TNFAIP8L1: variants seen among roughly 807,000 people sequenced by gnomAD.
TNFAIP8L1 encodes TNF alpha induced protein 8 like 1, also known as tumor necrosis factor alpha-induced protein 8-like protein 1.
For missense variants in TNFAIP8L1, 225 were observed against 266.1 expected (o/e 0.85, Z 1.08); for synonymous variants, 127 against 125.6 (o/e 1.01, Z -0.08).
chr19:4,644,266 G>A (rs916175614), intron 1 of TNFAIP8L1, among the ~76,000 whole-genome samples: 1 of 149,618 alleles, frequency 6.7e-6, no homozygotes, highest in Non-Finnish European at 1.5e-5. Flanking sequence ...CTGGCCAAGT[G>A]TGGCAGCTCA....
intron 1 of TNFAIP8L1, among the ~76,000 whole-genome samples, chr19:4,646,317 G>A (rs2088311035): frequency 6.8e-6 from 1 of 147,672 alleles, no homozygotes; most frequent in Non-Finnish European, 1.5e-5. Context: ...AGTTGAGTCC[G>A]GGTCTCACTA....
intron 1 of TNFAIP8L1, among the ~76,000 whole-genome samples, chr19:4,651,063 A>G (rs965405053): frequency 1.3e-5 from 2 of 152,056 alleles, no homozygotes; most frequent in African/African-American, 2.4e-5. Context: ...GACTGGAGGC[A>G]CTGCCATAGT....
chr19:4,646,276 C>T (rs1050156695), intron 1 of TNFAIP8L1, among the ~76,000 whole-genome samples: 1 of 151,274 alleles, frequency 6.6e-6, no homozygotes, highest in Non-Finnish European at 1.5e-5. Flanking sequence ...GTGCTCGCCA[C>T]CACGCCCGGC....
intron 1 of TNFAIP8L1, among the ~76,000 whole-genome samples, chr19:4,649,041 T>G (rs1221115993): frequency 6.6e-6 from 1 of 151,326 alleles, no homozygotes; most frequent in Non-Finnish European, 1.5e-5. Context: ...GCGATTCTCC[T>G]GTCTCAGCCC....
At chr19:4,648,071 A>G (rs2088328630) in intron 1 of TNFAIP8L1, among the ~76,000 whole-genome samples, 1 of 152,210 alleles carries the variant, frequency 6.6e-6, no homozygotes, top group South Asian at 2.1e-4. Flanking sequence ...GGCCAGTACC[A>G]GGTGGGAATG....
At position 4,651,381 on chromosome 19, in the gene TNFAIP8L1, T is replaced by C. The variant is rs561161863; in HGVS notation, c.-3-486T>C. On this transcript the variant is annotated intron_variant, in intron 1 of 1. Coordinates refer to ENST00000327473, the MANE Select transcript of TNFAIP8L1 (RefSeq NM_152362.3). ...TTTTTTTAGAGATAGGGTCTTGTTA[T>C]GTTGCCCAGGCTGGTCTCAAACTCC... is the stretch of plus-strand genomic sequence containing the variant. Among the ~76,000 whole-genome samples the C allele has an allele frequency of 1.2e-4, 19 of 152,182 alleles. No individual in the cohort carries two copies. In the East Asian group the frequency reaches 3.7e-3, roughly 29 times the overall value.
chr19:4,646,244 T>C (rs28679847), intron 1 of TNFAIP8L1, among the ~76,000 whole-genome samples: 9,809 of 150,398 alleles, frequency 0.065, 373 homozygotes, highest in African/African-American at 0.094. Flanking sequence ...TGCCTCAGTC[T>C]CCCGAGTAGC....
At chr19:4,649,933 G>T (rs1350468961) in intron 1 of TNFAIP8L1, among the ~76,000 whole-genome samples, 1 of 152,240 alleles carries the variant, frequency 6.6e-6, no homozygotes, top group Non-Finnish European at 1.5e-5. Context: ...GGGCTCCTGG[G>T]GTAGGTGGGT....
chr19:4,648,605 C>T (rs1005171917), intron 1 of TNFAIP8L1, among the ~76,000 whole-genome samples: 9 of 152,190 alleles, frequency 5.9e-5, no homozygotes, highest in South Asian at 2.1e-4. Flanking sequence ...TTGCAGGGGG[C>T]GGGGGTTGCT....
intron 1 of TNFAIP8L1, among the ~76,000 whole-genome samples, chr19:4,643,189 G>C (rs1017592284): frequency 2.0e-5 from 3 of 151,578 alleles, no homozygotes; most frequent in African/African-American, 7.3e-5. Flanking sequence ...TGAGGCAGGA[G>C]AATCACCTGA....
rs1455519580 is a variant in TNFAIP8L1 at position 4,654,022 on chromosome 19, AG to A, written c.*1594del. On this transcript the variant is annotated 3_prime_UTR_variant, in exon 2 of 2. Coordinates refer to ENST00000327473, the MANE Select transcript of TNFAIP8L1 (RefSeq NM_152362.3). ...GCCGGCCACCACCAGGAGCTGGGAG[AG>A]GCCCAGGGCAGATCCCCTTCAGCCT... 6.6e-6 allele frequency: 1 copy of A among 152,184 alleles called. No homozygotes were observed. The highest frequency in any genetic ancestry group is 2.4e-5 in the African/African-American group (1 of 41,418). The allele number at this position is 152,184 out of a possible 1,614,324, so 9.4% of individuals were successfully genotyped here. A position where few individuals can be genotyped will look rare whatever the true frequency, so the allele number is the denominator to read the frequency against.
intron 1 of TNFAIP8L1, among the ~76,000 whole-genome samples, chr19:4,647,009 C>T (rs946007845): frequency 1.3e-5 from 2 of 152,240 alleles, no homozygotes; most frequent in African/African-American, 2.4e-5. Context: ...ATGATGTCCT[C>T]AAGGTGCATC....
At position 4,654,946 on chromosome 19, in the gene TNFAIP8L1, A is replaced by G. The variant is rs936017553; in HGVS notation, c.*2516A>G. 2 of 152,180 alleles carry G rather than the reference A, an allele frequency of 1.3e-5. No individual in the cohort carries two copies. Among genetic ancestry groups the G allele is most frequent in the Non-Finnish European group, 2.9e-5 (2 of 68,046 alleles). The allele number at this position is 152,180 out of a possible 1,614,324, so 9.4% of individuals were successfully genotyped here. A position where few individuals can be genotyped will look rare whatever the true frequency, so the allele number is the denominator to read the frequency against. ...GTCTGTGGAGGGTAGAGGTTGCGGCAGGGGCCTGTGGGCCTTACTTGGTGA... is the reference window on the plus strand; with the variant it reads ...GTCTGTGGAGGGTAGAGGTTGCGGCGGGGGCCTGTGGGCCTTACTTGGTGA... On this transcript the variant is annotated 3_prime_UTR_variant, in exon 2 of 2. Coordinates refer to ENST00000327473, the MANE Select transcript of TNFAIP8L1 (RefSeq NM_152362.3).
At chr19:4,644,829 G>A (rs569255283) in intron 1 of TNFAIP8L1, among the ~76,000 whole-genome samples, 18 of 152,064 alleles carry the variant, frequency 1.2e-4, no homozygotes, top group Admixed American at 8.5e-4. Context: ...TTGGACTCCC[G>A]ACCTAAGGTG....
intron 1 of TNFAIP8L1, among the ~76,000 whole-genome samples, chr19:4,646,636 T>G (rs1320789033): frequency 2.1e-5 from 3 of 144,900 alleles, no homozygotes; most frequent in Non-Finnish European, 4.6e-5. Context: ...CTCCTGAACA[T>G]TTTTTTTTTT....
At chr19:4,644,683 A>C (rs908775661) in intron 1 of TNFAIP8L1, among the ~76,000 whole-genome samples, 1 of 137,826 alleles carries the variant, frequency 7.3e-6, no homozygotes, top group South Asian at 2.3e-4. Flanking sequence ...AGCTCACTGC[A>C]ACCTCTGCCC....
At chr19:4,642,448 C>T (rs1306317439) in intron 1 of TNFAIP8L1, 1 of 150,960 alleles carries the variant, frequency 6.6e-6, no homozygotes, top group African/African-American at 2.4e-5. Flanking sequence ...CCACTGCTCT[C>T]CAGCCTGGGT....
At chr19:4,640,491 G>A (rs1245101231) in intron 1 of TNFAIP8L1, 1 of 151,990 alleles carries the variant, frequency 6.6e-6, no homozygotes, top group Non-Finnish European at 1.5e-5. Context: ...GCCCAGTGGT[G>A]GCGGAGCTTG....
rs2088413027 is a variant in TNFAIP8L1 at position 4,655,275 on chromosome 19, C to G, written c.*2845C>G. ...TCGGTTTTTGCTTCCGCGAAAAAGC[C>G]AAAGGCCTTGGCCAGAGAGCCAGCT... On this transcript the variant is annotated 3_prime_UTR_variant, in exon 2 of 2. Coordinates refer to ENST00000327473, the MANE Select transcript of TNFAIP8L1 (RefSeq NM_152362.3). 1 of 152,264 alleles carries G rather than the reference C, an allele frequency of 6.6e-6. No homozygotes were observed. The highest frequency in any genetic ancestry group is 6.5e-5 in the Admixed American group (1 of 15,278). The allele number at this position is 152,264 out of a possible 1,614,324, so 9.4% of individuals were successfully genotyped here. A position where few individuals can be genotyped will look rare whatever the true frequency, so the allele number is the denominator to read the frequency against.
Sources: allele counts gnomAD v4.1 joint callset (sites outside exome capture counted in the v4.1 genomes callset), GRCh38; gene constraint gnomAD v4.1.1; transcripts MANE v1.5; gene names NCBI Gene and HGNC (gene_info 2026-07-23, HGNC 2026-07-21).